The following COPS2 variants were observed in gnomAD, a reference collection of about 807,000 sequenced individuals.
COPS2 encodes COP9 signalosome complex subunit 2.
COPS2 carries 10 observed loss-of-function variants against 66.1 expected under a neutral mutation model. That is an observed-to-expected ratio of 0.15 (90% confidence interval 0.09 to 0.26). COPS2 has a LOEUF of 0.26. Ranked by LOEUF, COPS2 falls within the 10% of genes least tolerant of loss-of-function variation. The probability of loss-of-function intolerance (pLI) is 1.00; values close to 1 mark genes in which losing one functional copy is unlikely to be tolerated. For missense variants in COPS2, 215 were observed against 513.3 expected, an observed-to-expected ratio of 0.42 and a Z score of 5.62; for synonymous variants, 179 against 171.3, an observed-to-expected ratio of 1.04 and a Z score of -0.35.
At chr15:49,129,306 T>TA (rs200431169) in intron 11 of COPS2, among the ~76,000 whole-genome samples, 171 bp downstream of exon 11, 431 of 143,468 alleles carry the variant, frequency 3.0e-3, no homozygotes, top group African/African-American at 7.6e-3. Flanking sequence ...CCCTGTCTCT[T>TA]AAAAAAAAAA....
At chr15:49,132,683 A>C (rs979104388) in intron 9 of COPS2, among the ~76,000 whole-genome samples, 2 of 151,848 alleles carry the variant, frequency 1.3e-5, no homozygotes, top group Non-Finnish European at 2.9e-5. Flanking sequence ...AAATTTAGTA[A>C]ATTTCTTATA....
At chr15:49,142,212 TAG>T in intron 3 of COPS2, among the ~76,000 whole-genome samples, 1 of 152,346 alleles carries the variant, frequency 6.6e-6, no homozygotes, top group Admixed American at 6.5e-5. Context: ...AAATATAATG[TAG>T]ATAATTTTCA....
chr15:49,139,298 T>C, intron 4 of COPS2: 1 of 386,450 alleles, frequency 2.6e-6, no homozygotes, highest in Non-Finnish European at 4.6e-6. Context: ...TTTACAGATT[T>C]TAGCATCTGA....
At chr15:49,145,138 C>A (rs146347935) in intron 1 of COPS2, 60 bp from the exon 2 acceptor site, 3 of 860,148 alleles carry the variant, frequency 3.5e-6, no homozygotes, top group South Asian at 1.8e-5. Flanking sequence ...CACGTAGCAA[C>A]GTAAAAAGTG....
At chr15:49,142,295 T>C (rs2084294379) in intron 3 of COPS2, among the ~76,000 whole-genome samples, 2 of 152,192 alleles carry the variant, frequency 1.3e-5, no homozygotes, top group African/African-American at 4.8e-5. Context: ...ATTGTTCTGA[T>C]GTATTTTGGG....
chr15:49,128,745 C>A lies in COPS2; in HGVS notation c.1144G>T (p.Val382Leu). 6.2e-7 allele frequency: 1 copy of A among 1,607,692 alleles called. No individual in the cohort carries two copies. The highest frequency in any genetic ancestry group is 8.5e-7 in the Non-Finnish European group (1 of 1,175,616). Reference protein sequence around the residue: ...PFISKELNIDVADVESLLVQC... With the variant: ...PFISKELNIDLADVESLLVQC... ...ACCAGCAAGCTCTCCACATCAGCTA[C>A]ATCTATGTTTAACTCCTAAGACAAA... The change falls in exon 12 of 13, where the codon GTA becomes TTA. Residue 382 changes from valine to leucine, a missense_variant. Physicochemically the swap from Val to Leu is conservative, Grantham distance 32. Transcript: ENST00000388901.
At chr15:49,142,915 T>C (rs890554483) in intron 3 of COPS2, among the ~76,000 whole-genome samples, 1 of 151,718 alleles carries the variant, frequency 6.6e-6, no homozygotes, top group African/African-American at 2.4e-5. Flanking sequence ...GAGCTTACAA[T>C]TTACTTGGGG....
At chr15:49,140,147 G>A (rs931522718) in intron 3 of COPS2, among the ~76,000 whole-genome samples, 3 of 151,574 alleles carry the variant, frequency 2.0e-5, no homozygotes, top group African/African-American at 4.9e-5. Context: ...CCACCACACC[G>A]GGCTAATTTT....
chr15:49,136,429 T>A (rs1012447180), intron 6 of COPS2, among the ~76,000 whole-genome samples: 10 of 152,170 alleles, frequency 6.6e-5, no homozygotes, highest in African/African-American at 2.4e-4. Context: ...TCTGTCACAA[T>A]AGCCATACTT....
chr15:49,155,451 C>A, intron 1 of COPS2, 74 bp downstream of exon 1: 2 of 1,424,712 alleles, frequency 1.4e-6, no homozygotes, highest in Non-Finnish European at 2.0e-6. Flanking sequence ...CGGGGAGAGG[C>A]CGCGGGCGCC....
chr15:49,154,697 G>A (rs1331880384), intron 1 of COPS2, among the ~76,000 whole-genome samples: 1 of 152,152 alleles, frequency 6.6e-6, no homozygotes, highest in Non-Finnish European at 1.5e-5. Flanking sequence ...AATAGCAAAC[G>A]TTATTCAAAC....
At chr15:49,148,656 T>C (rs1017299540) in intron 1 of COPS2, among the ~76,000 whole-genome samples, 2 of 152,216 alleles carry the variant, frequency 1.3e-5, no homozygotes, top group Non-Finnish European at 2.9e-5. Context: ...ATAGTCAGAT[T>C]TGTGTTTCTG....
intron 1 of COPS2, among the ~76,000 whole-genome samples, chr15:49,150,994 T>C (rs1402324090): frequency 1.3e-5 from 2 of 152,182 alleles, no homozygotes; most frequent in Admixed American, 6.5e-5. Context: ...ACTATGAGCT[T>C]GACTAGGGGA....
intron 1 of COPS2, among the ~76,000 whole-genome samples, chr15:49,150,372 C>T (rs747948381): frequency 1.8e-4 from 27 of 151,362 alleles, no homozygotes; most frequent in Non-Finnish European, 3.5e-4. Context: ...TGGATTATAC[C>T]GTCTTTGATA....
intron 3 of COPS2, among the ~76,000 whole-genome samples, chr15:49,142,251 T>C (rs1211821876): frequency 2.6e-5 from 4 of 152,218 alleles, no homozygotes; most frequent in African/African-American, 9.6e-5. Flanking sequence ...AAGTGCAATA[T>C]ACAATATACT....
At chr15:49,142,128 T>C (rs553253018) in intron 3 of COPS2, among the ~76,000 whole-genome samples, 27 of 152,154 alleles carry the variant, frequency 1.8e-4, no homozygotes, top group African/African-American at 6.5e-4. Flanking sequence ...AAACAGAAAA[T>C]GGAAAGAAAG....
chr15:49,151,995 T>C (rs758206077), intron 1 of COPS2, among the ~76,000 whole-genome samples: 47 of 152,062 alleles, frequency 3.1e-4, no homozygotes, highest in Non-Finnish European at 4.4e-4. Context: ...AAATATATCA[T>C]TGGACGACCA....
chr15:49,147,228 A>C (rs1479247371), intron 1 of COPS2, among the ~76,000 whole-genome samples: 1 of 152,200 alleles, frequency 6.6e-6, no homozygotes, highest in African/African-American at 2.4e-5. Context: ...AACAGTGTTG[A>C]ATAAGATAGA....
In COPS2 at chr15:49,139,272, T is replaced by C. The variant is rs1359216403; in HGVS notation, c.372+256A>G. On this transcript the variant is annotated intron_variant, in intron 4 of 12. Coordinates refer to ENST00000388901, the MANE Select transcript of COPS2 (RefSeq NM_004236.4). ...GTAGCAACTGTATAGGAGTCTAACA[T>C]AAGCCTGAAAAGTTGTTTACAGATT... is the stretch of plus-strand genomic sequence containing the variant. 1.5e-5 allele frequency: 5 copies of C among 344,148 alleles called. No homozygotes were observed. The Admixed American group carries it at 2.5e-4, about 17-fold the overall frequency. 21.3% of individuals were successfully genotyped at this position (344,148 alleles called of 1,614,324 possible).
Sources: gnomAD v4.1 joint callset for allele counts (sites outside exome capture counted in the v4.1 genomes callset) on GRCh38, gnomAD v4.1.1 for gene constraint, MANE v1.5 for transcripts, NCBI Gene and HGNC (gene_info 2026-07-23, HGNC 2026-07-21) for gene names.